Variants in PLPPR5 observed in about 807,000 individuals in gnomAD.
PLPPR5 encodes the protein phospholipid phosphatase related 5, also known as phospholipid phosphatase-related protein type 5.
Under a neutral mutation model 33.9 loss-of-function variants are expected in PLPPR5, and 16 were observed. The ratio of observed to expected loss-of-function variants is 0.47; its 90% CI spans 0.32 to 0.72. The LOEUF (loss-of-function observed/expected upper bound fraction) is 0.72. Ranked by LOEUF, PLPPR5 falls within the 30% of genes least tolerant of loss-of-function variation. The pLI is 0.03. For synonymous variants in PLPPR5, 163 were observed against 150.3 expected, an observed-to-expected ratio of 1.08 and a Z score of -0.62; for missense variants, 301 against 406.7, an observed-to-expected ratio of 0.74 and a Z score of 2.23.
In PLPPR5 at chr1:98,977,853, T is replaced by C. The variant is rs936925813; in HGVS notation, c.238-21112A>G. Among the ~76,000 whole-genome samples the C allele has an allele frequency of 9.2e-5, 14 of 151,948 alleles. No individual in the cohort carries two copies. The East Asian group carries it at 1.4e-3, about 15-fold the overall frequency. On this transcript the variant is annotated intron_variant, in intron 1 of 5. Transcript: ENST00000263177. Reference sequence around the variant, plus strand: ...ACATATACTATAGTAAATGGCGCTTTAGAAAAGAAGGTTTTCAATCAGTCT... The same window carrying C: ...ACATATACTATAGTAAATGGCGCTTCAGAAAAGAAGGTTTTCAATCAGTCT...
chr1:98,932,299 A>G (rs921897354), intron 3 of PLPPR5, among the ~76,000 whole-genome samples: 1 of 152,194 alleles, frequency 6.6e-6, no homozygotes, highest in African/African-American at 2.4e-5. Flanking sequence ...AACTCTGTGT[A>G]TGACATGATT....
rs531389421 is a variant in PLPPR5 at position 98,979,500 on chromosome 1, G to A, written c.238-22759C>T. ...GACATCACATTATTATTTAATATATGAATGCTAGGATGAATGTTCTGCACT... is the reference window on the plus strand; with the variant it reads ...GACATCACATTATTATTTAATATATAAATGCTAGGATGAATGTTCTGCACT... On this transcript the variant is annotated intron_variant, in intron 1 of 5. Transcript: ENST00000263177. Among the ~76,000 whole-genome samples, 6 of 152,180 alleles carry A rather than the reference G, an allele frequency of 3.9e-5. No homozygotes were observed. In the East Asian group the frequency reaches 1.2e-3, roughly 29 times the overall value.
chr1:98,896,378 GCA>G (rs1648473677), intron 5 of PLPPR5, among the ~76,000 whole-genome samples: 1 of 152,032 alleles, frequency 6.6e-6, no homozygotes, highest in Non-Finnish European at 1.5e-5. Flanking sequence ...TTCTGAATAT[GCA>G]ATACTAAATC....
chr1:98,984,756 A>G (rs1652192683), intron 1 of PLPPR5, among the ~76,000 whole-genome samples: 2 of 152,038 alleles, frequency 1.3e-5, no homozygotes, highest in Admixed American at 6.6e-5. Flanking sequence ...AGATGTTTAT[A>G]AAGGTTAGGA....
chr1:98,941,257 T>G (rs1278088345), intron 3 of PLPPR5, among the ~76,000 whole-genome samples: 1 of 151,802 alleles, frequency 6.6e-6, no homozygotes, highest in Non-Finnish European at 1.5e-5. Flanking sequence ...TTCCAACATA[T>G]TAAAAAGAGA....
At chr1:98,947,633 AGT>A (rs1650605968) in intron 3 of PLPPR5, among the ~76,000 whole-genome samples, 1 of 152,222 alleles carries the variant, frequency 6.6e-6, no homozygotes, top group African/African-American at 2.4e-5. Flanking sequence ...TTCATGGAGT[AGT>A]GTGGGGAAAG....
At chr1:98,940,536 G>A (rs948816438) in intron 3 of PLPPR5, among the ~76,000 whole-genome samples, 1 of 151,892 alleles carries the variant, frequency 6.6e-6, no homozygotes, top group Non-Finnish European at 1.5e-5. Context: ...ACACGTAGGA[G>A]TGTAACGCTT....
intron 3 of PLPPR5, among the ~76,000 whole-genome samples, chr1:98,943,905 C>G (rs933982302): frequency 6.6e-6 from 1 of 152,166 alleles, no homozygotes; most frequent in African/African-American, 2.4e-5. Context: ...GGATGAGGAA[C>G]AGTTCACATT....
At chr1:98,951,060 A>C (rs994388801) in intron 3 of PLPPR5, among the ~76,000 whole-genome samples, 1 of 152,194 alleles carries the variant, frequency 6.6e-6, no homozygotes, top group African/African-American at 2.4e-5. Flanking sequence ...GGGGTCAGAG[A>C]GCATTCTGGA....
intron 1 of PLPPR5, among the ~76,000 whole-genome samples, chr1:98,994,385 G>C (rs1652563403): frequency 6.6e-6 from 1 of 151,986 alleles, no homozygotes. Context: ...ACACAAAACA[G>C]GTCATCAACA....
rs779189248 is a variant in PLPPR5, at chr1:99,004,627, G to A, written c.45C>T (p.Phe15=). The A allele has an allele frequency of 6.2e-7, 1 of 1,612,996 alleles. No homozygotes were observed. Among genetic ancestry groups the A allele is most frequent in the South Asian group, 1.1e-5 (1 of 91,074 alleles). ...CCGTCCCTGCCATGATCACCATCTG[G>A]AAATAGAGCATGCTGCTGGTGAGCG... is the stretch of plus-strand genomic sequence containing the variant. ...PAALTSSMLY[F]QMVIMAGTVM... Residue 15 remains phenylalanine, a synonymous_variant, in exon 1 of 6, where the codon TTC becomes TTT. Transcript: ENST00000263177.
chr1:98,977,752 G>T (rs2100749422), intron 1 of PLPPR5, among the ~76,000 whole-genome samples: 1 of 151,462 alleles, frequency 6.6e-6, no homozygotes, highest in South Asian at 2.1e-4. Context: ...TGGAAGAAAG[G>T]TTTATCTTCT....
In PLPPR5 at chr1:98,921,875, T is replaced by A; in HGVS notation, c.798+7A>T. The stretch of plus-strand genomic sequence containing the variant: ...ACCCAATGATATATAAATAAATTTG[T>A]ACTTACCAGAAATACTGCTATAGAT... On this transcript the variant is annotated splice_region_variant and intron_variant, in intron 4 of 5. Coordinates refer to ENST00000263177, the MANE Select transcript of PLPPR5 (RefSeq NM_001037317.2). 1 of 1,598,956 alleles carries A rather than the reference T, an allele frequency of 6.3e-7. No homozygotes were observed. The highest frequency in any genetic ancestry group is 8.5e-7 in the Non-Finnish European group (1 of 1,173,686).
intron 5 of PLPPR5, among the ~76,000 whole-genome samples, chr1:98,906,141 C>T (rs1314588667): frequency 6.7e-6 from 1 of 149,314 alleles, no homozygotes; most frequent in Non-Finnish European, 1.5e-5. Flanking sequence ...ATACTATATA[C>T]CTAGTATATA....
chr1:98,944,518 A>G (rs1456339894), intron 3 of PLPPR5, among the ~76,000 whole-genome samples: 1 of 152,260 alleles, frequency 6.6e-6, no homozygotes, highest in Non-Finnish European at 1.5e-5. Context: ...GACACCATGT[A>G]TGAACCAGAA....
In PLPPR5 at chr1:99,001,381, C is replaced by T. The variant is rs949640471; in HGVS notation, c.237+3054G>A. Among the ~76,000 whole-genome samples, 7 of 151,628 alleles carry T rather than the reference C, an allele frequency of 4.6e-5. No individual in the cohort carries two copies. In the South Asian group the frequency reaches 1.0e-3, roughly 23 times the overall value. ...TGATCTCCTGACCTTGTGATCCACC[C>T]GCCTCAGCCTCCCAAAGTGCTCAGA... On this transcript the variant is annotated intron_variant, in intron 1 of 5. Transcript: ENST00000263177.
chr1:98,977,886 C>T lies in PLPPR5; in HGVS notation c.238-21145G>A, dbSNP rs1474207657. Among the ~76,000 whole-genome samples, 2 of 151,742 alleles carry T rather than the reference C, an allele frequency of 1.3e-5. 1 individual carries two copies. Among genetic ancestry groups the T allele is most frequent in the Non-Finnish European group, 2.9e-5 (2 of 67,878 alleles). On this transcript the variant is annotated intron_variant, in intron 1 of 5. Transcript: ENST00000263177. ...AAGGTTTTCAATCAGTCTTACAAACCAGTAACCAAAGAAAACAAATAATAA... is the reference window on the plus strand; with the variant it reads ...AAGGTTTTCAATCAGTCTTACAAACTAGTAACCAAAGAAAACAAATAATAA...
intron 4 of PLPPR5, among the ~76,000 whole-genome samples, chr1:98,918,375 G>A (rs562532972): frequency 4.6e-5 from 7 of 152,286 alleles, no homozygotes; most frequent in African/African-American, 1.4e-4. Context: ...AACTATTATT[G>A]TTGTATATGA....
At chr1:98,959,641 G>A (rs778700119) in intron 1 of PLPPR5, among the ~76,000 whole-genome samples, 1 of 151,950 alleles carries the variant, frequency 6.6e-6, no homozygotes, top group Non-Finnish European at 1.5e-5. Context: ...TCCTGATTCC[G>A]AGCATACATG....
Sources: allele counts gnomAD v4.1 joint callset (sites outside exome capture counted in the v4.1 genomes callset), GRCh38; gene constraint gnomAD v4.1.1; transcripts MANE v1.5; gene names NCBI Gene and HGNC (gene_info 2026-07-23, HGNC 2026-07-21).